Variants in PADI6 observed in about 807,000 individuals in gnomAD.
The protein encoded by PADI6 is inactive protein-arginine deiminase type-6.
In PADI6, 66 loss-of-function variants were observed where a neutral mutation model predicts 78.2. The observed-to-expected ratio is 0.84, with a 90% confidence interval of 0.69 to 1.04. The LOEUF is 1.04. Ranked by LOEUF, PADI6 falls within the 50% of genes least tolerant of loss-of-function variation. PADI6 has a pLI of 0.00. For synonymous variants in PADI6, 397 were observed against 346.9 expected (o/e 1.14, Z -1.60); for missense variants, 854 against 866.1 (o/e 0.99, Z 0.18).
intron 8 of PADI6, 31 bp downstream of exon 8, chr1:17,388,911 C>T (rs368655355): frequency 1.7e-4 from 269 of 1,557,094 alleles, no homozygotes; most frequent in South Asian, 1.5e-4. Flanking sequence ...CTGTGCCAGG[C>T]GGTTCTCATA....
chr1:17,392,862 A>C (rs1283460152), intron 9 of PADI6, among the ~76,000 whole-genome samples: 1 of 152,170 alleles, frequency 6.6e-6, no homozygotes, highest in African/African-American at 2.4e-5. Context: ...CAGGATTAAA[A>C]GGAGTTCCTG....
At chr1:17,395,743 C>T (rs1394001835) in intron 13 of PADI6, 80 bp downstream of exon 13, 37 of 1,489,238 alleles carry the variant, frequency 2.5e-5, no homozygotes, top group Non-Finnish European at 3.0e-5. Context: ...CATTCTGTCA[C>T]GCTTGGCGTA....
chr1:17,399,348 C>T (rs1402641125), intron 15 of PADI6, among the ~76,000 whole-genome samples: 1 of 152,174 alleles, frequency 6.6e-6, no homozygotes, highest in Non-Finnish European at 1.5e-5. Flanking sequence ...CCTGTAATCC[C>T]AACACTTTGG....
chr1:17,394,499 T>C (rs1476504524), intron 11 of PADI6, 45 bp downstream of exon 11: 5 of 1,587,840 alleles, frequency 3.1e-6, no homozygotes, highest in Non-Finnish European at 4.3e-6. Flanking sequence ...GAAGGGACCA[T>C]GGTCGTTCCC....
Position 17,379,986 on chromosome 1 carries a change from A to AG in PADI6, c.435+1dup. The AG allele has an allele frequency of 1.2e-6, 2 of 1,613,388 alleles. No individual in the cohort carries two copies. The highest frequency in any genetic ancestry group is 1.7e-6 in the Non-Finnish European group (2 of 1,179,480). ...GAGATGTCAAGTGACAAACAGGCTA[A>AG]GGTGAGTCTGCCAGCAAAAGGGGGC... On this transcript the variant is annotated frameshift_variant and splice_region_variant, in exon 4 of 16. Transcript: ENST00000619609. LOFTEE classifies it high-confidence loss of function.
At chr1:17,397,436 C>T (rs2075257992) in intron 14 of PADI6, among the ~76,000 whole-genome samples, 1 of 152,142 alleles carries the variant, frequency 6.6e-6, no homozygotes, top group Non-Finnish European at 1.5e-5. Flanking sequence ...TCTATGGTGT[C>T]AGATGGCTGA....
Position 17,382,093 on chromosome 1 carries a change from G to A in PADI6, c.679+1G>A, listed in dbSNP as rs1238835607. 6.2e-7 allele frequency: 1 copy of A among 1,613,642 alleles called. No homozygotes were observed. The highest frequency in any genetic ancestry group is 8.5e-7 in the Non-Finnish European group (1 of 1,179,690). On this transcript the variant is annotated splice_donor_variant, in intron 6 of 15. Coordinates refer to ENST00000619609, the MANE Select transcript of PADI6 (RefSeq NM_207421.4). LOFTEE classifies it high-confidence loss of function. ...AAGGCGAGAGTCTACTGGCCCCAAAGTGAGTGTTCTTGTGCCAGCTCCAGC... is the reference window on the plus strand; with the variant it reads ...AAGGCGAGAGTCTACTGGCCCCAAAATGAGTGTTCTTGTGCCAGCTCCAGC...
At chr1:17,373,395 T>C (rs1489099323) in intron 2 of PADI6, among the ~76,000 whole-genome samples, 162 bp downstream of exon 2, 1 of 152,150 alleles carries the variant, frequency 6.6e-6, no homozygotes, top group Non-Finnish European at 1.5e-5. Context: ...GTGTGGGCAC[T>C]CCATGACCCC....
At chr1:17,394,569 A>T in intron 11 of PADI6, 115 bp downstream of exon 11, 1 of 1,150,804 alleles carries the variant, frequency 8.7e-7, no homozygotes, top group Non-Finnish European at 1.2e-6. Flanking sequence ...CCATTTCTTA[A>T]ACTGAAGACA....
intron 9 of PADI6, among the ~76,000 whole-genome samples, chr1:17,393,534 CTT>C (rs1458084077): frequency 6.6e-6 from 1 of 152,196 alleles, no homozygotes; most frequent in Non-Finnish European, 1.5e-5. Flanking sequence ...ATGCTCAAGT[CTT>C]TTTCGCCCAG....
chr1:17,373,361 T>C (rs949944600), intron 2 of PADI6, 128 bp downstream of exon 2: 1 of 1,119,700 alleles, frequency 8.9e-7, no homozygotes, highest in Middle Eastern at 3.0e-4. Flanking sequence ...TCTGATCTCA[T>C]CCAGTGTCTG....
At chr1:17,401,119 G>A (rs2075297265) in intron 15 of PADI6, 86 bp from the exon 16 acceptor site, 10 of 1,291,468 alleles carry the variant, frequency 7.7e-6, no homozygotes, top group Non-Finnish European at 1.1e-5. Context: ...TGCTACGCCT[G>A]GTCTGACCGC....
In PADI6 at chr1:17,381,115, G is replaced by A. The variant is rs1292287895; in HGVS notation, c.504G>A (p.Val168=). 4 of 1,610,086 alleles carry A rather than the reference G, an allele frequency of 2.5e-6. No individual in the cohort carries two copies. Among genetic ancestry groups the A allele is most frequent in the Admixed American group, 1.7e-5 (1 of 59,488 alleles). Residue 168 remains valine, a synonymous_variant, in exon 5 of 16, where the codon GTG becomes GTA. Transcript: ENST00000619609. ...ILLVNCNPAD[V]GQQLEDKKTK... ...TTGTGAATTGCAACCCTGCTGATGT[G>A]GGCCAGCAACTTGAGGACAAGAAAA...
At chr1:17,373,434 G>A (rs1038305028) in intron 2 of PADI6, among the ~76,000 whole-genome samples, 1 of 152,094 alleles carries the variant, frequency 6.6e-6, no homozygotes, top group Non-Finnish European at 1.5e-5. Flanking sequence ...GGCACCTAGC[G>A]AAGGTGCCCT....
rs1335220978 is a variant in PADI6 at position 17,392,108 on chromosome 1, T to C, written c.963-6T>C. Reference sequence around the variant, plus strand: ...CTTCCCAGAACTGGCTTCTCTCCCATGGCAGGGAGCTGCAGCTGCAGGGTT... The same window carrying C: ...CTTCCCAGAACTGGCTTCTCTCCCACGGCAGGGAGCTGCAGCTGCAGGGTT... On this transcript the variant is annotated splice_region_variant and splice_polypyrimidine_tract_variant and intron_variant, in intron 8 of 15. Coordinates refer to ENST00000619609, the MANE Select transcript of PADI6 (RefSeq NM_207421.4). The C allele has an allele frequency of 3.2e-6, 5 of 1,553,558 alleles. No homozygotes were observed. The highest frequency in any genetic ancestry group is 2.0e-5 in the Admixed American group (1 of 51,182).
In PADI6 at chr1:17,392,232, C is replaced by A. The variant is rs918951598; in HGVS notation, c.1074+7C>A. The A allele has an allele frequency of 1.3e-6, 2 of 1,547,490 alleles. No individual in the cohort carries two copies. Among genetic ancestry groups the A allele is most frequent in the African/African-American group, 1.4e-5 (1 of 73,126 alleles). On this transcript the variant is annotated splice_region_variant and intron_variant, in intron 9 of 15. Coordinates refer to ENST00000619609, the MANE Select transcript of PADI6 (RefSeq NM_207421.4). ...CCTGGGCAGGTGGCTCCAGGTAACA[C>A]CCCACCTGGGAACCCACCTGTCGGG...
intron 14 of PADI6, among the ~76,000 whole-genome samples, chr1:17,397,429 A>G (rs1333959566): frequency 2.0e-5 from 3 of 152,138 alleles, no homozygotes; most frequent in African/African-American, 4.8e-5. Flanking sequence ...ACAGCTTTCT[A>G]TGGTGTCAGA....
intron 1 of PADI6, among the ~76,000 whole-genome samples, chr1:17,372,814 G>C (rs929002005): frequency 6.6e-6 from 1 of 152,052 alleles, no homozygotes; most frequent in Non-Finnish European, 1.5e-5. Flanking sequence ...TTATTACTAA[G>C]ATGTAGCTGT....
rs200649188 is a variant in PADI6, at chr1:17,392,178, G to C, written c.1027G>C (p.Val343Leu). Reference sequence around the variant, plus strand: ...GCTGAGTGAGAAGAGCAACAGCCAGGTGGCATCTGTCTATGAGGACCCCAA... The same window carrying C: ...GCTGAGTGAGAAGAGCAACAGCCAGCTGGCATCTGTCTATGAGGACCCCAA... ...TKLSEKSNSQ[V>L]ASVYEDPNRL... The change falls in exon 9 of 16, where the codon GTG becomes CTG. Residue 343 changes from valine to leucine, a missense_variant. By Grantham distance (32) the Val-to-Leu change is conservative (BLOSUM62 1). Coordinates refer to ENST00000619609, the MANE Select transcript of PADI6 (RefSeq NM_207421.4). The C allele has an allele frequency of 6.4e-7, 1 of 1,561,242 alleles. No individual in the cohort carries two copies. The highest frequency in any genetic ancestry group is 1.2e-5 in the South Asian group (1 of 84,528).
Sources: allele counts gnomAD v4.1 joint callset (sites outside exome capture counted in the v4.1 genomes callset), GRCh38; gene constraint gnomAD v4.1.1; transcripts MANE v1.5; gene names NCBI Gene and HGNC (gene_info 2026-07-23, HGNC 2026-07-21).